The following MEF2C variants were observed in gnomAD, a reference collection of about 807,000 sequenced individuals.
MEF2C encodes the protein myocyte-specific enhancer factor 2C.
Under a neutral mutation model 50.5 loss-of-function variants are expected in MEF2C, and 6 were observed. The ratio of observed to expected loss-of-function variants is 0.12; its 90% CI spans 0.07 to 0.23. MEF2C has a LOEUF of 0.23. Ranked by LOEUF, MEF2C falls within the 10% of genes least tolerant of loss-of-function variation. MEF2C has a pLI of 1.00. For synonymous variants in MEF2C, 183 were observed against 228.0 expected, an observed-to-expected ratio of 0.80 and a Z score of 1.78; for missense variants, 276 against 605.0, an observed-to-expected ratio of 0.46 and a Z score of 5.70.
intron 1 of MEF2C, among the ~76,000 whole-genome samples, chr5:88,846,163 G>A (rs1408583118): frequency 6.6e-6 from 1 of 151,776 alleles, no homozygotes; most frequent in East Asian, 1.9e-4. Context: ...CACCTCCCGG[G>A]TTCATGCGAT....
At chr5:88,819,129 G>A (rs1807028582) in intron 2 of MEF2C, among the ~76,000 whole-genome samples, 1 of 151,860 alleles carries the variant, frequency 6.6e-6, no homozygotes, top group South Asian at 2.1e-4. Context: ...GGCAGAACTG[G>A]GACAAGAACG....
chr5:88,799,152 C>T (rs1418622144), intron 3 of MEF2C, among the ~76,000 whole-genome samples: 6 of 152,214 alleles, frequency 3.9e-5, no homozygotes, highest in Non-Finnish European at 8.8e-5. Context: ...CAGTCTGTCC[C>T]TCAGCAGAGC....
chr5:88,772,782 T>C, intron 3 of MEF2C: 1 of 985,386 alleles, frequency 1.0e-6, no homozygotes, highest in South Asian at 4.7e-5. Context: ...CTCTTGAAAA[T>C]TTTCACTTTG....
rs1432071182 is a variant in MEF2C, at chr5:88,721,970, A to T, written c.*634T>A. On this transcript the variant is annotated 3_prime_UTR_variant, in exon 11 of 11. Transcript: ENST00000504921. ...TAATAAGAGATGCAGACCCAGATTT[A>T]TTTATTTATTTAATTAAATATGTTA... 6.6e-6 allele frequency: 1 copy of T among 152,472 alleles called. No individual in the cohort carries two copies. Among genetic ancestry groups the T allele is most frequent in the Non-Finnish European group, 1.5e-5 (1 of 68,022 alleles). The allele number at this position is 152,472 out of a possible 1,614,324, so 9.4% of individuals were successfully genotyped here. A position where few individuals can be genotyped will look rare whatever the true frequency, so the allele number is the denominator to read the frequency against.
At chr5:88,737,012 C>T (rs1170896429) in intron 6 of MEF2C, 3 of 985,016 alleles carry the variant, frequency 3.0e-6, no homozygotes, top group Admixed American at 6.2e-5. Flanking sequence ...TTAGTGGCAG[C>T]GATAATACAC....
intron 4 of MEF2C, among the ~76,000 whole-genome samples, chr5:88,757,801 A>C (rs1223044646): frequency 1.3e-5 from 2 of 152,166 alleles, no homozygotes; most frequent in African/African-American, 4.8e-5. Context: ...CTGTAGTCCC[A>C]GCTACTTGGG....
chr5:88,812,749 G>A (rs959748647), intron 2 of MEF2C, among the ~76,000 whole-genome samples: 4 of 152,024 alleles, frequency 2.6e-5, no homozygotes, highest in African/African-American at 4.8e-5. Context: ...CCTTATCCAA[G>A]GTCCCCAGAC....
At chr5:88,749,421 T>G in intron 5 of MEF2C, 3 of 985,060 alleles carry the variant, frequency 3.0e-6, no homozygotes, top group Non-Finnish European at 3.6e-6. Flanking sequence ...GCAGATGTTT[T>G]ATAGAAAGTG....
intron 1 of MEF2C, among the ~76,000 whole-genome samples, chr5:88,867,337 T>A (rs1827728499): frequency 2.0e-5 from 3 of 152,178 alleles, no homozygotes. Context: ...GTATGTGAGA[T>A]TTTGGCTTAA....
rs188236400 is a variant in MEF2C, at chr5:88,850,883, G to A, written c.-142-26953C>T. Among the ~76,000 whole-genome samples, 313 of 148,482 alleles carry A rather than the reference G, an allele frequency of 2.1e-3. 1 individual carries two copies. The highest frequency in any genetic ancestry group is 3.7e-3 in the Admixed American group (55 of 14,732). ...GACAGCAAGACCAACCCCTCTCTTC[G>A]TCGTCTTCATCAGCCTACTCAATGT... On this transcript the variant is annotated intron_variant, in intron 1 of 10. Transcript: ENST00000504921.
intron 1 of MEF2C, chr5:88,889,272 G>A (rs1217929075): frequency 6.6e-6 from 1 of 152,414 alleles, no homozygotes; most frequent in Non-Finnish European, 1.5e-5. Context: ...CTCTGGCTGG[G>A]CGTTCAGCAG....
intron 4 of MEF2C, 31 bp from the exon 5 acceptor site, chr5:88,752,074 A>G (rs767443952): frequency 1.3e-6 from 2 of 1,560,710 alleles, no homozygotes; most frequent in South Asian, 2.4e-5. Flanking sequence ...ACAAAGGTAA[A>G]AGAAAAGAAT....
chr5:88,784,996 C>CTT (rs972369410), intron 3 of MEF2C, among the ~76,000 whole-genome samples: 14 of 152,096 alleles, frequency 9.2e-5, no homozygotes, highest in African/African-American at 3.4e-4. Context: ...CGACAAAATG[C>CTT]TTTACAAGAC....
intron 1 of MEF2C, among the ~76,000 whole-genome samples, chr5:88,864,100 G>A (rs1826430167): frequency 6.6e-6 from 1 of 150,726 alleles, no homozygotes; most frequent in Admixed American, 6.6e-5. Context: ...GGGATTATGG[G>A]ATTACAGGCC....
At chr5:88,866,284 T>C (rs1827353057) in intron 1 of MEF2C, among the ~76,000 whole-genome samples, 1 of 152,224 alleles carries the variant, frequency 6.6e-6, no homozygotes, top group Non-Finnish European at 1.5e-5. Context: ...AGCATTTCAT[T>C]CTCTTCAACA....
intron 1 of MEF2C, among the ~76,000 whole-genome samples, chr5:88,827,816 A>G (rs1009936046): frequency 2.3e-4 from 35 of 151,968 alleles, no homozygotes; most frequent in Admixed American, 3.3e-4. Flanking sequence ...AAATAGATAC[A>G]TTAAAACTTT....
chr5:88,784,894 A>G (rs1174751295), intron 3 of MEF2C, among the ~76,000 whole-genome samples: 3 of 152,168 alleles, frequency 2.0e-5, no homozygotes, highest in Non-Finnish European at 4.4e-5. Flanking sequence ...CTAATACACC[A>G]CACAGACACA....
chr5:88,805,666 G>GC (rs1314473136), intron 2 of MEF2C, among the ~76,000 whole-genome samples: 2 of 151,870 alleles, frequency 1.3e-5, no homozygotes, highest in Non-Finnish European at 2.9e-5. Context: ...TTCCTGATGA[G>GC]CTGCCTACAA....
intron 1 of MEF2C, among the ~76,000 whole-genome samples, chr5:88,881,630 A>G (rs1292757645): frequency 6.6e-6 from 1 of 152,182 alleles, no homozygotes; most frequent in Non-Finnish European, 1.5e-5. Flanking sequence ...ATGTCCTACC[A>G]AGTCTCTAGG....
Sources: gnomAD v4.1 joint callset for allele counts (sites outside exome capture counted in the v4.1 genomes callset) on GRCh38, gnomAD v4.1.1 for gene constraint, MANE v1.5 for transcripts, NCBI Gene and HGNC (gene_info 2026-07-23, HGNC 2026-07-21) for gene names.